The following NCALD variants were observed in gnomAD, a reference collection of about 807,000 sequenced individuals.
NCALD encodes the protein neurocalcin-delta.
Under a neutral mutation model 18.6 loss-of-function variants are expected in NCALD, and 10 were observed. The observed-to-expected ratio is 0.54, with a 90% confidence interval of 0.33 to 0.91. The LOEUF is 0.91. NCALD is among the 40% of genes least tolerant of loss of function. The probability of loss-of-function intolerance (pLI) is 0.03; values close to 1 mark genes in which losing one functional copy is unlikely to be tolerated. For missense variants in NCALD, 184 were observed against 247.6 expected, an observed-to-expected ratio of 0.74 and a Z score of 1.72; for synonymous variants, 88 against 87.4, an observed-to-expected ratio of 1.01 and a Z score of -0.04.
At chr8:102,023,569 C>T (rs1029212973) in intron 1 of NCALD, among the ~76,000 whole-genome samples, 1 of 152,156 alleles carries the variant, frequency 6.6e-6, no homozygotes, top group African/African-American at 2.4e-5. Context: ...TTGACCTTGA[C>T]CAAATTGTGT....
At chr8:101,881,967 C>G (rs966891923) in intron 4 of NCALD, among the ~76,000 whole-genome samples, 1 of 152,156 alleles carries the variant, frequency 6.6e-6, no homozygotes, top group South Asian at 2.1e-4. Flanking sequence ...TTAAGATGCA[C>G]TAAAGCAGGG....
intron 2 of NCALD, among the ~76,000 whole-genome samples, chr8:102,011,132 G>A (rs935600917): frequency 1.2e-4 from 18 of 152,020 alleles, no homozygotes; most frequent in Non-Finnish European, 2.6e-4. Flanking sequence ...TTGACCTCAC[G>A]GAGTCCTCTT....
At chr8:101,922,329 T>C (rs777430646) in intron 2 of NCALD, among the ~76,000 whole-genome samples, 8 of 152,178 alleles carry the variant, frequency 5.3e-5, no homozygotes, top group Non-Finnish European at 8.8e-5. Flanking sequence ...TACTTGGTGA[T>C]GTGTAAGACA....
At chr8:102,117,217 A>G (rs1211604559) in intron 1 of NCALD, among the ~76,000 whole-genome samples, 1 of 152,220 alleles carries the variant, frequency 6.6e-6, no homozygotes, top group Non-Finnish European at 1.5e-5. Flanking sequence ...GGAAACAAAT[A>G]TAAGCTTACA....
At chr8:102,116,625 G>A (rs1183669601) in intron 1 of NCALD, among the ~76,000 whole-genome samples, 4 of 152,084 alleles carry the variant, frequency 2.6e-5, no homozygotes, top group Non-Finnish European at 5.9e-5. Flanking sequence ...TGGAACCACG[G>A]GTGCATGCCA....
chr8:101,967,840 G>GACACACAC (rs34321706), intron 2 of NCALD, among the ~76,000 whole-genome samples: 14 of 147,906 alleles, frequency 9.5e-5, no homozygotes, highest in African/African-American at 3.0e-4. Flanking sequence ...TCTTAAAATT[G>GACACACAC]ACACACACAC....
At chr8:101,870,901 C>CCG (rs1376858043) in intron 4 of NCALD, among the ~76,000 whole-genome samples, 3 of 76,102 alleles carry the variant, frequency 3.9e-5, no homozygotes, top group Non-Finnish European at 7.2e-5. Context: ...GCCCCCACCC[C>CCG]CCCCCCCCAA....
chr8:101,892,383 CA>C (rs1161335347), intron 3 of NCALD, among the ~76,000 whole-genome samples: 10 of 148,102 alleles, frequency 6.8e-5, no homozygotes, highest in Admixed American at 4.7e-4. Flanking sequence ...TATCAAAGAC[CA>C]AAAGTAGATA....
intron 1 of NCALD, among the ~76,000 whole-genome samples, chr8:101,724,011 C>T (rs61575617): frequency 0.016 from 2,388 of 152,246 alleles, 58 homozygotes; most frequent in African/African-American, 0.055. Context: ...AATAGTAATG[C>T]TAATACTGCT....
At chr8:101,706,392 T>C (rs1362739805) in intron 2 of NCALD, among the ~76,000 whole-genome samples, 1 of 151,962 alleles carries the variant, frequency 6.6e-6, no homozygotes, top group East Asian at 1.9e-4. Context: ...TTTGTACCAG[T>C]GCAACATCTT....
rs941174635 is a variant in NCALD, at chr8:102,105,253, T to A, written c.-210+18984A>T. 2.0e-5 allele frequency among the ~76,000 whole-genome samples: 3 copies of A among 152,338 alleles called. No individual in the cohort carries two copies. In the East Asian group the frequency reaches 5.8e-4, roughly 29 times the overall value. On this transcript the variant is annotated intron_variant, in intron 1 of 6. Coordinates refer to the NCALD transcript ENST00000311028. ...TACAGATTCTTTTAAGTTGAAACTT[T>A]GTAAAGATAACAAAAAATGTTTATC...
intron 1 of NCALD, among the ~76,000 whole-genome samples, chr8:101,771,357 T>C (rs767001159): frequency 3.2e-4 from 49 of 152,198 alleles, no homozygotes; most frequent in Non-Finnish European, 6.0e-4. Flanking sequence ...GCATGAAGCA[T>C]AGAAGAAAAG....
At chr8:101,715,223 T>C (rs897661236) in intron 2 of NCALD, among the ~76,000 whole-genome samples, 3 of 152,028 alleles carry the variant, frequency 2.0e-5, no homozygotes, top group Non-Finnish European at 4.4e-5. Flanking sequence ...AAACAAGAAA[T>C]GGGGAAAGGA....
intron 2 of NCALD, among the ~76,000 whole-genome samples, chr8:101,980,516 C>T (rs1039168408): frequency 6.6e-6 from 1 of 152,002 alleles, no homozygotes; most frequent in African/African-American, 2.4e-5. Flanking sequence ...GAAAACTGAA[C>T]AAGAAGGCAA....
intron 4 of NCALD, among the ~76,000 whole-genome samples, chr8:101,871,070 G>A (rs537527679): frequency 6.6e-6 from 1 of 152,200 alleles, no homozygotes; most frequent in South Asian, 2.1e-4. Context: ...GCATGAAACT[G>A]CAATTCATGT....
chr8:101,753,297 A>G (rs1338879200), intron 1 of NCALD, among the ~76,000 whole-genome samples: 13 of 152,220 alleles, frequency 8.5e-5, no homozygotes, highest in Admixed American at 8.5e-4. Flanking sequence ...AGAAGGAATC[A>G]AGAGCGTAGA....
At position 101,696,862 on chromosome 8, in the gene NCALD, C is replaced by T. The variant is rs551910306; in HGVS notation, c.379-3966G>A. On this transcript the variant is annotated intron_variant, in intron 2 of 3. Transcript: ENST00000220931. Reference sequence around the variant, plus strand: ...TCAGAAAGCTAGAAGGATCTCAAATCGCCACTCTAACATCACAATTAAAAG... The same window carrying T: ...TCAGAAAGCTAGAAGGATCTCAAATTGCCACTCTAACATCACAATTAAAAG... Among the ~76,000 whole-genome samples the T allele has an allele frequency of 8.5e-5, 13 of 152,068 alleles. No homozygotes were observed. In the South Asian group the frequency reaches 2.1e-3, roughly 24 times the overall value.
chr8:101,860,448 G>A (rs1178175333), intron 4 of NCALD, among the ~76,000 whole-genome samples: 1 of 152,152 alleles, frequency 6.6e-6, no homozygotes, highest in African/African-American at 2.4e-5. Flanking sequence ...CATAAAGACA[G>A]CTCCAAGAAA....
At chr8:101,745,599 A>G (rs1328566555) in intron 1 of NCALD, among the ~76,000 whole-genome samples, 3 of 152,172 alleles carry the variant, frequency 2.0e-5, no homozygotes, top group African/African-American at 7.2e-5. Flanking sequence ...GTGATGTCAC[A>G]ATGCAGTGAG....
Sources: gnomAD v4.1 joint callset for allele counts (sites outside exome capture counted in the v4.1 genomes callset) on GRCh38, gnomAD v4.1.1 for gene constraint, MANE v1.5 for transcripts, NCBI Gene and HGNC (gene_info 2026-07-23, HGNC 2026-07-21) for gene names.